TBC1D22A: variants seen among roughly 807,000 people sequenced by gnomAD.
TBC1D22A encodes putative GTPase activator.
In TBC1D22A, 38 loss-of-function variants were observed where a neutral mutation model predicts 60.2. That is an observed-to-expected ratio of 0.63 (90% CI 0.49 to 0.83). The LOEUF (loss-of-function observed/expected upper bound fraction) is 0.83, where lower values mean the gene tolerates loss of function less well. TBC1D22A is among the 40% of genes least tolerant of loss of function. The pLI is 0.00. For missense variants in TBC1D22A, 628 were observed against 701.0 expected, an observed-to-expected ratio of 0.90 and a Z score of 1.18; for synonymous variants, 302 against 281.7, an observed-to-expected ratio of 1.07 and a Z score of -0.72.
chr22:46,884,308 A>G (rs970249511), intron 5 of TBC1D22A, among the ~76,000 whole-genome samples: 2 of 152,144 alleles, frequency 1.3e-5, no homozygotes, highest in Non-Finnish European at 2.9e-5. Context: ...GACTTAGAGG[A>G]GCAAGGGAGG....
intron 8 of TBC1D22A, among the ~76,000 whole-genome samples, chr22:46,957,179 A>AG (rs1383663058): frequency 1.3e-5 from 2 of 152,222 alleles, no homozygotes; most frequent in Admixed American, 1.3e-4. Flanking sequence ...ACCCCATGAA[A>AG]GCACCCCTCT....
intron 12 of TBC1D22A, among the ~76,000 whole-genome samples, chr22:47,172,319 C>G (rs373548134): frequency 6.6e-6 from 1 of 152,320 alleles, no homozygotes; most frequent in East Asian, 1.9e-4. Context: ...GTCCAGCAGC[C>G]CTGACAGTAA....
intron 7 of TBC1D22A, among the ~76,000 whole-genome samples, chr22:46,910,895 G>A (rs6009049): frequency 6.6e-6 from 1 of 150,386 alleles, no homozygotes; most frequent in Admixed American, 6.6e-5. Flanking sequence ...GTAGGAGTAC[G>A]GGCTGATGAC....
intron 12 of TBC1D22A, among the ~76,000 whole-genome samples, chr22:47,143,268 A>G (rs929951913): frequency 6.6e-6 from 1 of 152,210 alleles, no homozygotes; most frequent in African/African-American, 2.4e-5. Context: ...GAGGTCTACA[A>G]ATCGACGGAG....
At chr22:47,119,185 G>T (rs1387789273) in intron 12 of TBC1D22A, among the ~76,000 whole-genome samples, 3 of 152,200 alleles carry the variant, frequency 2.0e-5, no homozygotes, top group Non-Finnish European at 4.4e-5. Context: ...CTTATAATTT[G>T]GGAGTAAATC....
chr22:46,941,734 C>T lies in TBC1D22A; in HGVS notation c.1015+29546C>T, dbSNP rs557831622. Among the ~76,000 whole-genome samples the T allele has an allele frequency of 6.4e-4, 91 of 141,454 alleles. 5 individuals are homozygous for T. The East Asian group carries it at 0.015, about 23-fold the overall frequency. 92.8% of individuals were successfully genotyped at this position (141,454 alleles called of 152,430 possible). A position where few individuals can be genotyped will look rare whatever the true frequency, so the allele number is the denominator to read the frequency against. ...AATATATATACGCGGAATGTATATACGGAATATATATATGCGGAATATATA... is the reference window on the plus strand; with the variant it reads ...AATATATATACGCGGAATGTATATATGGAATATATATATGCGGAATATATA... On this transcript the variant is annotated intron_variant, in intron 8 of 12. Coordinates refer to ENST00000337137, the MANE Select transcript of TBC1D22A (RefSeq NM_014346.5).
rs577258501 is a variant in TBC1D22A, at chr22:47,100,978, A to G, written c.1330-10530A>G. On this transcript the variant is annotated intron_variant, in intron 11 of 12. Coordinates refer to ENST00000337137, the MANE Select transcript of TBC1D22A (RefSeq NM_014346.5). ...TGTGAGCTTGCCAGGATCTGCTTAA[A>G]AGAACCATATTTCTCTTCCATTGCA... 5.1e-4 allele frequency among the ~76,000 whole-genome samples: 78 copies of G among 152,258 alleles called. 1 individual carries two copies. The highest frequency in any genetic ancestry group is 1.9e-3 in the African/African-American group (77 of 41,560).
intron 8 of TBC1D22A, among the ~76,000 whole-genome samples, chr22:46,966,043 C>G (rs920707852): frequency 2.6e-5 from 4 of 152,212 alleles, no homozygotes; most frequent in Non-Finnish European, 5.9e-5. Context: ...CTCTAACAAA[C>G]AGCTGTCTTC....
intron 8 of TBC1D22A, among the ~76,000 whole-genome samples, chr22:46,952,194 T>G (rs1569264562): frequency 6.6e-6 from 1 of 151,952 alleles, no homozygotes; most frequent in African/African-American, 2.4e-5. Context: ...TCCACATCTT[T>G]GAAAGCATTT....
intron 8 of TBC1D22A, among the ~76,000 whole-genome samples, chr22:46,972,166 C>G (rs981969933): frequency 6.6e-6 from 1 of 152,192 alleles, no homozygotes; most frequent in South Asian, 2.1e-4. Flanking sequence ...TTCACAAGCC[C>G]GGGTCCCAGG....
At chr22:46,818,623 GGTACCA>G (rs2085699373) in intron 4 of TBC1D22A, among the ~76,000 whole-genome samples, 1 of 152,116 alleles carries the variant, frequency 6.6e-6, no homozygotes, top group Non-Finnish European at 1.5e-5. Context: ...TGTCTGTTTT[GGTACCA>G]GTACCATGCA....
chr22:47,009,314 A>G lies in TBC1D22A; in HGVS notation c.1201+11605A>G, dbSNP rs1208171031. Among the ~76,000 whole-genome samples the G allele has an allele frequency of 6.6e-6, 1 of 151,624 alleles. No homozygotes were observed. Among genetic ancestry groups the G allele is most frequent in the Non-Finnish European group, 1.5e-5 (1 of 67,938 alleles). ...CATCATAAACACCATCATCACCACC[A>G]TCATGTCATCATCACCATCATTATG... On this transcript the variant is annotated intron_variant, in intron 10 of 12. Transcript: ENST00000337137. The surrounding 1 kb of genome is among the most constrained non-coding windows in gnomAD (Gnocchi z 5.8).
chr22:46,977,618 G>A (rs962786472), intron 9 of TBC1D22A, among the ~76,000 whole-genome samples: 4 of 152,228 alleles, frequency 2.6e-5, no homozygotes, highest in Non-Finnish European at 4.4e-5. Context: ...GCTTAAAGAA[G>A]TGCCTGAGAC....
chr22:46,870,887 C>T (rs1328168283), intron 4 of TBC1D22A, among the ~76,000 whole-genome samples: 3 of 152,148 alleles, frequency 2.0e-5, no homozygotes, highest in Non-Finnish European at 4.4e-5. Flanking sequence ...CCCACAAGGC[C>T]ACCTCCCAAC....
intron 4 of TBC1D22A, among the ~76,000 whole-genome samples, chr22:46,860,481 C>T (rs1300840170): frequency 1.1e-5 from 1 of 94,568 alleles, no homozygotes; most frequent in Admixed American, 1.0e-4. Flanking sequence ...AGTGCTGTGC[C>T]CCTTCCCGGG....
At chr22:46,764,657 G>A (rs1277420190) in intron 1 of TBC1D22A, among the ~76,000 whole-genome samples, 2 of 152,228 alleles carry the variant, frequency 1.3e-5, no homozygotes, top group African/African-American at 2.4e-5. Flanking sequence ...TACTGGATGA[G>A]GGTGGGCCTT....
intron 11 of TBC1D22A, among the ~76,000 whole-genome samples, chr22:47,080,397 G>A (rs894079088): frequency 1.2e-4 from 18 of 152,280 alleles, no homozygotes; most frequent in Admixed American, 1.2e-3. Flanking sequence ...AAAGTTATAT[G>A]GAGTATGTTA....
intron 8 of TBC1D22A, among the ~76,000 whole-genome samples, chr22:46,941,954 C>G (rs1309956912): frequency 6.9e-6 from 1 of 144,336 alleles, no homozygotes; most frequent in Non-Finnish European, 1.5e-5. Flanking sequence ...CACACACACA[C>G]ACACACACAC....
intron 10 of TBC1D22A, among the ~76,000 whole-genome samples, chr22:46,998,666 T>C (rs746919127): frequency 3.3e-5 from 5 of 152,252 alleles, no homozygotes; most frequent in African/African-American, 7.2e-5. Flanking sequence ...CTGAGTGATA[T>C]TCTAAAATGG....
Sources: allele counts gnomAD v4.1 joint callset (sites outside exome capture counted in the v4.1 genomes callset), GRCh38; gene constraint gnomAD v4.1.1; non-coding constraint Gnocchi (gnomAD v3.1); transcripts MANE v1.5; gene names NCBI Gene and HGNC (gene_info 2026-07-23, HGNC 2026-07-21).